TSPAN9: variants seen among roughly 807,000 people sequenced by gnomAD.
TSPAN9 encodes the protein tetraspanin 9.
TSPAN9 carries 16 observed loss-of-function variants against 31.0 expected under a neutral mutation model. That is an observed-to-expected ratio of 0.52 (90% CI 0.35 to 0.78). The LOEUF is 0.78. TSPAN9 is among the 30% of genes least tolerant of loss of function. The pLI, the probability that TSPAN9 is intolerant of heterozygous loss-of-function variation, is 0.01. For synonymous variants in TSPAN9, 145 were observed against 121.6 expected (o/e 1.19, Z -1.27); for missense variants, 272 against 312.5 (o/e 0.87, Z 0.98).
intron 3 of TSPAN9, among the ~76,000 whole-genome samples, chr12:3,228,711 C>A (rs2098389153): frequency 6.6e-6 from 1 of 152,250 alleles, no homozygotes; most frequent in South Asian, 2.1e-4. Context: ...TATCTTGGCA[C>A]AGCTCCCTTC....
chr12:3,129,771 C>T (rs1234602882), intron 2 of TSPAN9, among the ~76,000 whole-genome samples: 1 of 152,190 alleles, frequency 6.6e-6, no homozygotes, highest in Non-Finnish European at 1.5e-5. Context: ...TTTTCATCTT[C>T]ATAATTCCCT....
At chr12:3,106,082 TTG>T (rs1266256043) in intron 2 of TSPAN9, among the ~76,000 whole-genome samples, 3 of 147,466 alleles carry the variant, frequency 2.0e-5, no homozygotes, top group Non-Finnish European at 4.5e-5. Flanking sequence ...ACACTCGCTC[TTG>T]TGCGCGCACG....
Position 3,192,985 on chromosome 12 carries a change from G to A in TSPAN9, c.-17-8192G>A, listed in dbSNP as rs901039094. 2.6e-5 allele frequency among the ~76,000 whole-genome samples: 4 copies of A among 152,098 alleles called. No individual in the cohort carries two copies. Among genetic ancestry groups the A allele is most frequent in the South Asian group, 2.1e-4 (1 of 4,824 alleles). ...CATTGAACAGCTTCTGTGTTCCCTC[G>A]TAACCTTTATTCCTTATTTTTTTAC... On this transcript the variant is annotated intron_variant, in intron 2 of 8. Coordinates refer to ENST00000011898, the MANE Select transcript of TSPAN9 (RefSeq NM_006675.5). The surrounding 1 kb of genome is among the most constrained non-coding windows in gnomAD (Gnocchi z 4.6).
chr12:3,227,200 C>T (rs1213793295), intron 3 of TSPAN9, among the ~76,000 whole-genome samples: 2 of 152,128 alleles, frequency 1.3e-5, no homozygotes, highest in Non-Finnish European at 2.9e-5. Flanking sequence ...AAATTAAATG[C>T]AAGAGCTGAA....
At chr12:3,094,847 C>CT (rs61154605) in intron 2 of TSPAN9, among the ~76,000 whole-genome samples, 1,050 of 101,656 alleles carry the variant, frequency 0.01, 5 homozygotes, top group African/African-American at 0.018. Context: ...AATCAATAAT[C>CT]TTTTTTTTTT....
intron 2 of TSPAN9, among the ~76,000 whole-genome samples, chr12:3,167,715 G>A (rs192373583): frequency 7.2e-5 from 11 of 152,276 alleles, no homozygotes; most frequent in Admixed American, 2.6e-4. Context: ...ATGGTCTCCC[G>A]CTTGGGATCG....
intron 2 of TSPAN9, among the ~76,000 whole-genome samples, chr12:3,140,204 G>A (rs2098334133): frequency 6.6e-6 from 1 of 152,136 alleles, no homozygotes; most frequent in South Asian, 2.1e-4. Flanking sequence ...ATTTAGTAAT[G>A]CTGTAGCGGT....
At chr12:3,270,889 C>G (rs963094580) in intron 3 of TSPAN9, among the ~76,000 whole-genome samples, 2 of 152,230 alleles carry the variant, frequency 1.3e-5, no homozygotes, top group Non-Finnish European at 2.9e-5. Flanking sequence ...GGAAGGGTTA[C>G]AAAGTTGGCT....
rs562976296 is a variant in TSPAN9, at chr12:3,190,705, G to A, written c.-17-10472G>A. 2.6e-4 allele frequency among the ~76,000 whole-genome samples: 40 copies of A among 152,350 alleles called. 1 individual carries two copies. The highest frequency in any genetic ancestry group is 1.5e-4 in the Non-Finnish European group (10 of 68,034). On this transcript the variant is annotated intron_variant, in intron 2 of 8. Coordinates refer to ENST00000011898, the MANE Select transcript of TSPAN9 (RefSeq NM_006675.5). Reference sequence around the variant, plus strand: ...CTCTTATCTGGTAAACCTTCTCTAAGAGGAGATGCCTGTCCTGCAGGAGTG... The same window carrying A: ...CTCTTATCTGGTAAACCTTCTCTAAAAGGAGATGCCTGTCCTGCAGGAGTG...
At chr12:3,092,307 G>A (rs570847019) in intron 2 of TSPAN9, among the ~76,000 whole-genome samples, 4 of 152,286 alleles carry the variant, frequency 2.6e-5, no homozygotes, top group African/African-American at 4.8e-5. Flanking sequence ...TACTGTCAGT[G>A]AATCAGTAAG....
At chr12:3,160,727 A>G (rs552493537) in intron 2 of TSPAN9, among the ~76,000 whole-genome samples, 3 of 152,274 alleles carry the variant, frequency 2.0e-5, no homozygotes, top group Non-Finnish European at 4.4e-5. Context: ...CTGTTCTTAT[A>G]CTTATTTGCC....
chr12:3,148,304 C>G (rs2098338238), intron 2 of TSPAN9, among the ~76,000 whole-genome samples: 1 of 152,216 alleles, frequency 6.6e-6, no homozygotes, highest in Admixed American at 6.5e-5. Context: ...TGCAGAGAAA[C>G]TGGAAATCAA....
Position 3,125,763 on chromosome 12 carries a change from G to T in TSPAN9, c.-18+42044G>T, listed in dbSNP as rs531863586. Among the ~76,000 whole-genome samples, 3 of 152,166 alleles carry T rather than the reference G, an allele frequency of 2.0e-5. No homozygotes were observed. The East Asian group carries it at 5.8e-4, about 30-fold the overall frequency. On this transcript the variant is annotated intron_variant, in intron 2 of 8. Coordinates refer to ENST00000011898, the MANE Select transcript of TSPAN9 (RefSeq NM_006675.5). ...TGCTGGGTGACACCAGGGCAGCCTG[G>T]TGTCACCACAGAGGAATGGTTCTGT... is the stretch of plus-strand genomic sequence containing the variant.
At chr12:3,089,509 G>T (rs113623198) in intron 2 of TSPAN9, among the ~76,000 whole-genome samples, 2 of 151,600 alleles carry the variant, frequency 1.3e-5, no homozygotes, top group African/African-American at 4.8e-5. Flanking sequence ...GTTGGCCAGG[G>T]TGGTCTCGAT....
At position 3,187,805 on chromosome 12, in the gene TSPAN9, C is replaced by G. The variant is rs2098362199; in HGVS notation, c.-17-13372C>G. Reference sequence around the variant, plus strand: ...CAACACGTACCCCTTCTCCAAGAAGCCCTTCCTGATGGGCCAGACTCTCCC... The same window carrying G: ...CAACACGTACCCCTTCTCCAAGAAGGCCTTCCTGATGGGCCAGACTCTCCC... On this transcript the variant is annotated intron_variant, in intron 2 of 8. Transcript: ENST00000011898. This position sits in a 1 kb window ranked among gnomAD's most constrained non-coding sequence, Gnocchi z 5.2. Among the ~76,000 whole-genome samples, 1 of 152,134 alleles carries G rather than the reference C, an allele frequency of 6.6e-6. No homozygotes were observed. Among genetic ancestry groups the G allele is most frequent in the South Asian group, 2.1e-4 (1 of 4,828 alleles).
At chr12:3,197,238 A>G (rs2153972516) in intron 2 of TSPAN9, among the ~76,000 whole-genome samples, 1 of 152,360 alleles carries the variant, frequency 6.6e-6, no homozygotes, top group Non-Finnish European at 1.5e-5. Context: ...CAGCTGGTAA[A>G]TGATCTATCC....
chr12:3,210,992 T>C (rs560579018), intron 3 of TSPAN9, among the ~76,000 whole-genome samples: 2 of 152,268 alleles, frequency 1.3e-5, no homozygotes, highest in African/African-American at 4.8e-5. Context: ...GCAATCCTTC[T>C]GCCTCGGCCT....
At chr12:3,103,725 G>A (rs2098312896) in intron 2 of TSPAN9, among the ~76,000 whole-genome samples, 1 of 152,122 alleles carries the variant, frequency 6.6e-6, no homozygotes, top group Non-Finnish European at 1.5e-5. Flanking sequence ...TGGGAAAGTG[G>A]GCTTAGGGCT....
intron 3 of TSPAN9, among the ~76,000 whole-genome samples, chr12:3,215,799 G>A (rs9668153): frequency 0.14 from 20,948 of 151,988 alleles, 1,809 homozygotes; most frequent in African/African-American, 0.24. Flanking sequence ...AGCCTGTATC[G>A]GAGTGGAGAA....
Sources: gnomAD v4.1 joint callset for allele counts (sites outside exome capture counted in the v4.1 genomes callset) on GRCh38, gnomAD v4.1.1 for gene constraint, Gnocchi (gnomAD v3.1) non-coding constraint, MANE v1.5 for transcripts, NCBI Gene and HGNC (gene_info 2026-07-23, HGNC 2026-07-21) for gene names.